Variants in NLRC5 observed in about 807,000 individuals in gnomAD.
The protein encoded by NLRC5 is protein NLRC5.
Under a neutral mutation model 206.9 loss-of-function variants are expected in NLRC5, and 114 were observed. That is an observed-to-expected ratio of 0.55 (90% CI 0.47 to 0.64). NLRC5 has a LOEUF of 0.64. Ranked by LOEUF, NLRC5 falls within the 30% of genes least tolerant of loss-of-function variation. NLRC5 has a pLI of 0.00. For synonymous variants in NLRC5, 952 were observed against 962.8 expected (o/e 0.99, Z 0.21); for missense variants, 2,008 against 2,305.5 (o/e 0.87, Z 2.64).
At chr16:57,074,444 C>A (rs2068113508) in intron 38 of NLRC5, 156 bp from the exon 39 acceptor site, 4 of 691,302 alleles carry the variant, frequency 5.8e-6, no homozygotes, top group Non-Finnish European at 1.1e-5. Flanking sequence ...ATTTGGACCT[C>A]CCAGTACAGT....
At chr16:57,064,281 T>C (rs1329608143) in intron 32 of NLRC5, among the ~76,000 whole-genome samples, 2 of 152,178 alleles carry the variant, frequency 1.3e-5, no homozygotes, top group African/African-American at 4.8e-5. Context: ...AAGAAAATAG[T>C]GCTTTAAAAA....
chr16:57,026,136 G>A lies in NLRC5; in HGVS notation c.1193G>A (p.Arg398His), dbSNP rs772467719. 6.0e-5 allele frequency: 97 copies of A among 1,613,952 alleles called. No individual in the cohort carries two copies. Among genetic ancestry groups the A allele is most frequent in the South Asian group, 2.4e-4 (22 of 91,086 alleles). The change falls in exon 6 of 49, where the codon CGT becomes CAT. Residue 398 changes from arginine (R) to histidine (H), a missense_variant. Coordinates refer to ENST00000688547, the MANE Select transcript of NLRC5 (RefSeq NM_001384950.1). ...CTGGTGGAGTTACAGACAAATGGAC[G>A]TCTCCGAAGCCTGTGTGCGGTGCCC... ...GALVELQTNG[R>H]LRSLCAVPAL...
rs139803504 is a variant in NLRC5, at chr16:57,031,922, A to G, written c.2477+459A>G. Among the ~76,000 whole-genome samples, 247 of 152,000 alleles carry G rather than the reference A, an allele frequency of 1.6e-3. 1 individual carries two copies. Among genetic ancestry groups the G allele is most frequent in the African/African-American group, 5.8e-3 (239 of 41,436 alleles). On this transcript the variant is annotated intron_variant, in intron 11 of 48. Coordinates refer to ENST00000688547, the MANE Select transcript of NLRC5 (RefSeq NM_001384950.1). ...CAAATGCTGGCTATTCCAGCTGTGC[A>G]TGGATTCCAGCTTGGCCAGTCTTGG...
intron 1 of NLRC5, among the ~76,000 whole-genome samples, chr16:56,994,534 C>T (rs1221155679): frequency 3.9e-5 from 6 of 152,168 alleles, no homozygotes; most frequent in African/African-American, 1.4e-4. Flanking sequence ...CAAAGATGTG[C>T]ATGTCATATG....
At chr16:57,042,725 T>C (rs1181062139) in intron 19 of NLRC5, among the ~76,000 whole-genome samples, 2 of 152,212 alleles carry the variant, frequency 1.3e-5, no homozygotes, top group African/African-American at 4.8e-5. Flanking sequence ...CTGGGCAAGT[T>C]ACATCCCCTC....
intron 39 of NLRC5, among the ~76,000 whole-genome samples, chr16:57,075,170 A>G (rs1567645100): frequency 6.6e-6 from 1 of 151,536 alleles, no homozygotes; most frequent in African/African-American, 2.4e-5. Context: ...CCTCCTAAGC[A>G]GCTGGGACTA....
intron 40 of NLRC5, 49 bp downstream of exon 40, chr16:57,076,951 A>G: frequency 6.5e-7 from 1 of 1,549,174 alleles, no homozygotes; most frequent in Non-Finnish European, 8.9e-7. Flanking sequence ...TGGCCGGGAA[A>G]GATGACAAGG....
intron 23 of NLRC5, among the ~76,000 whole-genome samples, chr16:57,048,725 G>A (rs1303525664): frequency 6.6e-6 from 1 of 152,032 alleles, no homozygotes; most frequent in African/African-American, 2.4e-5. Context: ...GTAGAGGCAG[G>A]GTTTCACCAT....
intron 38 of NLRC5, among the ~76,000 whole-genome samples, chr16:57,071,897 C>A (rs1434947043): frequency 6.6e-6 from 1 of 151,894 alleles, no homozygotes; most frequent in African/African-American, 2.4e-5. Context: ...TGCCTAGGAA[C>A]CTTTGCATGT....
At chr16:57,037,737 C>A (rs1651672) in intron 15 of NLRC5, among the ~76,000 whole-genome samples, 88,247 of 151,940 alleles carry the variant, frequency 0.58, 27,182 homozygotes, top group Non-Finnish European at 0.69. Context: ...CCCCCTACCC[C>A]ACTCACAGAC....
chr16:57,026,283 GC>G lies in NLRC5; in HGVS notation c.1346del (p.Pro449LeufsTer17), dbSNP rs772651939. 2 of 1,613,852 alleles carry G rather than the reference GC, an allele frequency of 1.2e-6. No homozygotes were observed. Among genetic ancestry groups the G allele is most frequent in the African/African-American group, 1.3e-5 (1 of 74,946 alleles). On this transcript the variant is annotated frameshift_variant, in exon 6 of 49. Transcript: ENST00000688547. LOFTEE classifies it high-confidence loss of function. ...QLYMQMVLALSPPGHLPTSSL... is the reference protein window; with the variant it reads ...QLYMQMVLALXPPGHLPTSSL... ...TATATGCAGATGGTGCTCGCCCTCA[GC>G]CCCCCTGGGCACTTGCCCACCTCGT... is the stretch of plus-strand genomic sequence containing the variant.
At chr16:57,009,558 A>C (rs1025411408) in intron 1 of NLRC5, among the ~76,000 whole-genome samples, 6 of 151,334 alleles carry the variant, frequency 4.0e-5, no homozygotes, top group Admixed American at 1.3e-4. Context: ...ACGCCACTGC[A>C]CTCCAGCCTG....
chr16:57,046,656 C>G lies in NLRC5; in HGVS notation c.3338+15C>G, dbSNP rs776271999. ...AGGAGCCTCTGGTACTGTCCCAGCC[C>G]TTCTTGTTTGGGGGTAACCATAATA... On this transcript the variant is annotated intron_variant, in intron 22 of 48. Transcript: ENST00000688547. The G allele has an allele frequency of 6.2e-7, 1 of 1,609,648 alleles. No individual in the cohort carries two copies. The highest frequency in any genetic ancestry group is 8.5e-7 in the Non-Finnish European group (1 of 1,176,700).
At chr16:57,013,578 A>G (rs564570195) in intron 1 of NLRC5, 4 of 1,107,686 alleles carry the variant, frequency 3.6e-6, no homozygotes, top group South Asian at 1.2e-5. Context: ...TTAAGTACCC[A>G]AAGTTTCTCA....
chr16:57,002,703 G>A (rs2058423730), intron 1 of NLRC5, among the ~76,000 whole-genome samples: 1 of 136,434 alleles, frequency 7.3e-6, no homozygotes, highest in Admixed American at 7.8e-5. Context: ...AGTGCAGTGC[G>A]TGATCTCAGT....
At chr16:57,077,837 G>T in intron 42 of NLRC5, 35 bp downstream of exon 42, 2 of 1,588,452 alleles carry the variant, frequency 1.3e-6, no homozygotes, top group Non-Finnish European at 1.7e-6. Context: ...TGCCCTCTGT[G>T]CCCCCCAGGT....
intron 15 of NLRC5, among the ~76,000 whole-genome samples, chr16:57,037,512 C>T (rs2062750137): frequency 6.6e-6 from 1 of 152,088 alleles, no homozygotes; most frequent in Non-Finnish European, 1.5e-5. Flanking sequence ...ACCAGAGACG[C>T]CTGGCAGGGT....
intron 13 of NLRC5, 31 bp downstream of exon 13, chr16:57,034,282 G>T: frequency 4.5e-6 from 7 of 1,548,040 alleles, no homozygotes; most frequent in Non-Finnish European, 6.2e-6. Context: ...TGGCGTAGGA[G>T]CCAGGAAAGG....
At chr16:57,035,596 C>A (rs1392831584) in intron 13 of NLRC5, among the ~76,000 whole-genome samples, 2 of 152,228 alleles carry the variant, frequency 1.3e-5, no homozygotes, top group African/African-American at 4.8e-5. Context: ...TCTCCCCCAA[C>A]CTTTTACCTA....
Sources: gnomAD v4.1 joint callset for allele counts (sites outside exome capture counted in the v4.1 genomes callset) on GRCh38, gnomAD v4.1.1 for gene constraint, MANE v1.5 for transcripts, NCBI Gene and HGNC (gene_info 2026-07-23, HGNC 2026-07-21) for gene names.